Variants in TRPM3 observed in about 807,000 individuals in gnomAD.
TRPM3 encodes the protein transient receptor potential cation channel subfamily M member 3.
TRPM3 carries 77 observed loss-of-function variants against 181.2 expected under a neutral mutation model. The observed-to-expected ratio is 0.42, with a 90% confidence interval of 0.35 to 0.51. The LOEUF (loss-of-function observed/expected upper bound fraction) is 0.51, where lower values mean the gene tolerates loss of function less well. Among genes scored for constraint, TRPM3 ranks in the 20% least tolerant of loss-of-function variants. TRPM3 has a pLI of 0.01. For missense variants in TRPM3, 1,759 were observed against 2,196.7 expected, an observed-to-expected ratio of 0.80 and a Z score of 3.98; for synonymous variants, 745 against 796.4, an observed-to-expected ratio of 0.94 and a Z score of 1.09.
At chr9:70,978,485 G>C (rs954955151) in intron 1 of TRPM3, among the ~76,000 whole-genome samples, 7 of 151,932 alleles carry the variant, frequency 4.6e-5, no homozygotes, top group African/African-American at 1.2e-4. Context: ...CAAAACTTAC[G>C]CTCTTTCTCT....
intron 1 of TRPM3, among the ~76,000 whole-genome samples, chr9:70,867,955 T>C (rs1470336671): frequency 6.6e-6 from 1 of 152,090 alleles, no homozygotes; most frequent in African/African-American, 2.4e-5. Context: ...AACTCAGTTA[T>C]CTCAGAATAG....
chr9:70,954,268 G>A (rs974243152), intron 1 of TRPM3, among the ~76,000 whole-genome samples: 4 of 152,090 alleles, frequency 2.6e-5, no homozygotes, highest in African/African-American at 9.7e-5. Flanking sequence ...CAGCCCAGTG[G>A]CCAGTGAAAT....
chr9:70,633,600 T>A (rs1237110159), intron 12 of TRPM3, among the ~76,000 whole-genome samples: 1 of 152,136 alleles, frequency 6.6e-6, no homozygotes, highest in Non-Finnish European at 1.5e-5. Flanking sequence ...AGGATGGAGA[T>A]TTTGATTTTC....
chr9:71,149,136 A>ACACCTGTAATCC (rs2075592341), intron 1 of TRPM3, among the ~76,000 whole-genome samples: 1 of 152,192 alleles, frequency 6.6e-6, no homozygotes, highest in South Asian at 2.1e-4. Flanking sequence ...GTGGTAGCTC[A>ACACCTGTAATCC]CACCTGTAAT....
chr9:70,743,146 AG>A, intron 8 of TRPM3, among the ~76,000 whole-genome samples: 1 of 152,222 alleles, frequency 6.6e-6, no homozygotes, highest in African/African-American at 2.4e-5. Flanking sequence ...ACATTTGGTT[AG>A]ACTAGAGTAC....
chr9:71,222,373 T>C (rs1289119980), intron 1 of TRPM3, among the ~76,000 whole-genome samples: 1 of 152,150 alleles, frequency 6.6e-6, no homozygotes, highest in Non-Finnish European at 1.5e-5. Context: ...ATTTGGTAGT[T>C]TGTTTTTTGG....
chr9:70,978,338 C>A (rs78298557), intron 1 of TRPM3, among the ~76,000 whole-genome samples: 1 of 152,200 alleles, frequency 6.6e-6, no homozygotes, highest in Non-Finnish European at 1.5e-5. Flanking sequence ...GTGAGCAAAG[C>A]ACATGCAATT....
intron 1 of TRPM3, among the ~76,000 whole-genome samples, chr9:71,012,391 T>C (rs1293051742): frequency 2.0e-5 from 3 of 150,590 alleles, no homozygotes; most frequent in East Asian, 1.9e-4. Flanking sequence ...GTTTCAAATA[T>C]AGGAGCTTTA....
At chr9:71,134,720 G>T (rs74362891) in intron 1 of TRPM3, among the ~76,000 whole-genome samples, 2,454 of 152,288 alleles carry the variant, frequency 0.016, 35 homozygotes, top group East Asian at 0.071. Context: ...AAAGCAGTGA[G>T]TGAATTGAAT....
intron 6 of TRPM3, among the ~76,000 whole-genome samples, chr9:70,820,375 CTTTT>C (rs1338461337): frequency 1.3e-5 from 2 of 152,142 alleles, no homozygotes; most frequent in East Asian, 3.9e-4. Context: ...TGTTATAGGA[CTTTT>C]TTTGTTTGTT....
intron 19 of TRPM3, among the ~76,000 whole-genome samples, chr9:70,610,089 GTTAA>G (rs897698611): frequency 2.0e-5 from 3 of 152,134 alleles, no homozygotes; most frequent in Admixed American, 6.5e-5. Context: ...TTTGCATATT[GTTAA>G]TTGTGTTGGA....
chr9:71,351,324 T>C (rs980442285), intron 1 of TRPM3, among the ~76,000 whole-genome samples: 36 of 152,196 alleles, frequency 2.4e-4, no homozygotes, highest in African/African-American at 7.2e-4. Context: ...AAGGCTGTAA[T>C]TGGATTCACG....
intron 1 of TRPM3, among the ~76,000 whole-genome samples, chr9:71,341,912 T>A (rs1263395164): frequency 1.3e-5 from 2 of 151,726 alleles, no homozygotes; most frequent in Admixed American, 6.6e-5. Flanking sequence ...ATACTTGCAA[T>A]ACATCACAGA....
intron 1 of TRPM3, among the ~76,000 whole-genome samples, chr9:71,090,498 C>T (rs887025660): frequency 6.6e-6 from 1 of 152,148 alleles, no homozygotes; most frequent in Middle Eastern, 3.2e-3. Context: ...ACCTGGTCAC[C>T]CTCCACATCA....
intron 1 of TRPM3, among the ~76,000 whole-genome samples, chr9:71,136,116 C>T (rs1436148075): frequency 6.6e-6 from 1 of 152,150 alleles, no homozygotes; most frequent in Non-Finnish European, 1.5e-5. Flanking sequence ...ACATCGTCCA[C>T]GTAAGGATTT....
chr9:70,840,772 G>A (rs2094582084), intron 5 of TRPM3, among the ~76,000 whole-genome samples: 2 of 152,028 alleles, frequency 1.3e-5, no homozygotes, highest in Admixed American at 1.3e-4. Flanking sequence ...TTTATAAGAT[G>A]AACAAACAAA....
intron 22 of TRPM3, among the ~76,000 whole-genome samples, chr9:70,561,067 C>T (rs1564330771): frequency 6.6e-6 from 1 of 152,198 alleles, no homozygotes; most frequent in Non-Finnish European, 1.5e-5. Context: ...CCTTCCTCTC[C>T]TGTCTGAAGA....
At chr9:71,254,833 G>T (rs1286429351) in intron 1 of TRPM3, among the ~76,000 whole-genome samples, 1 of 151,984 alleles carries the variant, frequency 6.6e-6, no homozygotes, top group African/African-American at 2.4e-5. Flanking sequence ...GGATAGAAAA[G>T]AAAGAAGGTG....
intron 1 of TRPM3, among the ~76,000 whole-genome samples, chr9:71,323,257 T>G (rs1405539854): frequency 6.6e-6 from 1 of 152,084 alleles, no homozygotes; most frequent in East Asian, 1.9e-4. Context: ...GAAAGTGAAT[T>G]TAAAGGGAAT....
Sources: gnomAD v4.1 joint callset for allele counts (sites outside exome capture counted in the v4.1 genomes callset) on GRCh38, gnomAD v4.1.1 for gene constraint, MANE v1.5 for transcripts, NCBI Gene and HGNC (gene_info 2026-07-23, HGNC 2026-07-21) for gene names.